Variants in PLS3 observed in about 807,000 individuals in gnomAD.
The protein encoded by PLS3 is plastin-3.
In PLS3, 11 loss-of-function variants were observed where a neutral mutation model predicts 46.5. That is an observed-to-expected ratio of 0.24 (90% confidence interval 0.15 to 0.39). The LOEUF is 0.39. Among genes scored for constraint, PLS3 ranks in the 10% least tolerant of loss-of-function variants. The probability of loss-of-function intolerance (pLI) is 1.00; values close to 1 mark genes in which losing one functional copy is unlikely to be tolerated. For synonymous variants in PLS3, 167 were observed against 162.2 expected, an observed-to-expected ratio of 1.03 and a Z score of -0.22; for missense variants, 308 against 461.8, an observed-to-expected ratio of 0.67 and a Z score of 3.05.
At chrX:115,588,927 T>G (rs1247007522) in intron 1 of PLS3, among the ~76,000 whole-genome samples, 2 of 112,072 alleles carry the variant, frequency 1.8e-5, no homozygotes, top group African/African-American at 3.2e-5. Flanking sequence ...TTTAAAATTT[T>G]GATTACTTAG....
At position 115,630,869 on chromosome X, in the gene PLS3, GTATATATGTA is replaced by G. The variant is rs797033846; in HGVS notation, c.500+915_500+924del. 7.1e-4 allele frequency among the ~76,000 whole-genome samples: 64 copies of G among 90,696 alleles called. No individual in the cohort carries two copies. The Middle Eastern group carries it at 0.023, about 32-fold the overall frequency. The allele number at this position is 90,696 out of a possible 115,157, so 78.8% of individuals were successfully genotyped here. ...TGTATAATATATGTATATTATACAT[GTATATATGTA>G]TATATATGTATAATATATGTATATT... On this transcript the variant is annotated intron_variant, in intron 5 of 15. Coordinates refer to ENST00000355899, the MANE Select transcript of PLS3 (RefSeq NM_005032.7).
chrX:115,622,184 A>G, intron 2 of PLS3, 62 bp from the exon 3 acceptor site: 4 of 920,792 alleles, frequency 4.3e-6, no homozygotes, highest in Non-Finnish European at 6.2e-6. Flanking sequence ...ATGAAGGGAA[A>G]TACTCTAACT....
chrX:115,621,127 C>A (rs1030448875), intron 2 of PLS3, among the ~76,000 whole-genome samples: 11 of 110,918 alleles, frequency 9.9e-5, no homozygotes, highest in Non-Finnish European at 1.9e-4. Flanking sequence ...GATTCTGCTG[C>A]CTCAGCCTCC....
At chrX:115,580,892 CT>C (rs1556631749) in intron 1 of PLS3, among the ~76,000 whole-genome samples, 1 of 111,143 alleles carries the variant, frequency 9.0e-6, no homozygotes, top group Non-Finnish European at 1.9e-5. Flanking sequence ...TTAGCAGTTT[CT>C]TTTTTATTTT....
At chrX:115,633,867 G>C (rs180729867) in intron 5 of PLS3, 133 bp from the exon 6 acceptor site, 9 of 468,908 alleles carry the variant, frequency 1.9e-5, no homozygotes, top group Admixed American at 7.9e-5. Flanking sequence ...AAGTCATCTA[G>C]CTGCATTTTT....
chrX:115,597,167 T>A (rs911327131), intron 1 of PLS3, among the ~76,000 whole-genome samples: 2 of 110,469 alleles, frequency 1.8e-5, no homozygotes, highest in African/African-American at 6.6e-5. Flanking sequence ...AATAATATAA[T>A]GTAATATAAT....
intron 2 of PLS3, among the ~76,000 whole-genome samples, chrX:115,615,969 G>A (rs1358589845): frequency 8.9e-6 from 1 of 112,027 alleles, no homozygotes; most frequent in African/African-American, 3.2e-5. Flanking sequence ...TGAGAAAATG[G>A]CAAGTGAGCC....
chrX:115,585,942 C>T (rs1228386087), intron 1 of PLS3, among the ~76,000 whole-genome samples: 2 of 110,755 alleles, frequency 1.8e-5, no homozygotes, highest in East Asian at 5.7e-4. Flanking sequence ...TTCTGTGCTA[C>T]TTTATGCAAG....
At chrX:115,605,892 C>T (rs1556635220) in intron 1 of PLS3, among the ~76,000 whole-genome samples, 1 of 111,270 alleles carries the variant, frequency 9.0e-6, no homozygotes, top group African/African-American at 3.3e-5. Context: ...GTCACTAATT[C>T]ACTTTATGTC....
At chrX:115,578,656 C>T (rs961729460) in intron 1 of PLS3, among the ~76,000 whole-genome samples, 3 of 81,275 alleles carry the variant, frequency 3.7e-5, no homozygotes, top group Admixed American at 3.9e-4. Context: ...ACCCGGGAGA[C>T]GGAGCTTGCA....
intron 2 of PLS3, chrX:115,621,958 C>T (rs781951790): frequency 5.1e-5 from 11 of 215,507 alleles, no homozygotes; most frequent in South Asian, 4.2e-4. Flanking sequence ...ATCCTATTAG[C>T]GCCAAGTTAA....
chrX:115,619,731 G>A (rs1460963297), intron 2 of PLS3, among the ~76,000 whole-genome samples: 2 of 112,530 alleles, frequency 1.8e-5, no homozygotes, highest in Non-Finnish European at 3.7e-5. Flanking sequence ...TAATTAGCCA[G>A]GCATGATGGT....
intron 7 of PLS3, 33 bp downstream of exon 7, chrX:115,635,079 A>C: frequency 8.7e-7 from 1 of 1,155,178 alleles, no homozygotes; most frequent in Non-Finnish European, 1.2e-6. Flanking sequence ...GCAGTTGTTT[A>C]TTGGTTATTT....
rs782115699 is a variant in PLS3, at chrX:115,564,117, A to C, written c.-9+2857A>C. 2.7e-5 allele frequency among the ~76,000 whole-genome samples: 3 copies of C among 110,995 alleles called. No homozygotes were observed. The East Asian group carries it at 8.5e-4, about 31-fold the overall frequency. On this transcript the variant is annotated intron_variant, in intron 1 of 15. Transcript: ENST00000355899. ...TGGTGGTATGATCTAATGAGCCCAAATTTTTATTGAAATTAGGGGGCTGGG... is the reference window on the plus strand; with the variant it reads ...TGGTGGTATGATCTAATGAGCCCAACTTTTTATTGAAATTAGGGGGCTGGG...
At chrX:115,617,575 C>T (rs113101671) in intron 2 of PLS3, among the ~76,000 whole-genome samples, 5,049 of 111,578 alleles carry the variant, frequency 0.045, 283 homozygotes, top group African/African-American at 0.16. Context: ...GCTTATTATA[C>T]ACAAAAGATT....
chrX:115,609,156 A>G (rs1274047459), intron 1 of PLS3, among the ~76,000 whole-genome samples: 1 of 110,825 alleles, frequency 9.0e-6, no homozygotes, highest in African/African-American at 3.3e-5. Context: ...AAAAAAGGAG[A>G]AAGGAACATG....
intron 9 of PLS3, among the ~76,000 whole-genome samples, chrX:115,640,975 G>A (rs1161394328): frequency 2.7e-5 from 3 of 111,095 alleles, no homozygotes; most frequent in African/African-American, 9.8e-5. Context: ...CAGAGACCAT[G>A]TTCCCTGGTT....
At chrX:115,614,065 G>A (rs1309133756) in intron 2 of PLS3, 1 of 111,167 alleles carries the variant, frequency 9.0e-6, no homozygotes, top group Non-Finnish European at 1.9e-5. Context: ...CCGCCTCCCG[G>A]GTTCACGCCA....
intron 1 of PLS3, among the ~76,000 whole-genome samples, chrX:115,594,407 A>G (rs1309207682): frequency 1.8e-5 from 2 of 111,749 alleles, no homozygotes; most frequent in Non-Finnish European, 3.8e-5. Context: ...TAAAAAGTGA[A>G]GCATGAAACA....
Sources: gnomAD v4.1 joint callset for allele counts (sites outside exome capture counted in the v4.1 genomes callset) on GRCh38, gnomAD v4.1.1 for gene constraint, MANE v1.5 for transcripts, NCBI Gene and HGNC (gene_info 2026-07-23, HGNC 2026-07-21) for gene names.